Variants in SEMA3A observed in about 807,000 individuals in gnomAD.
SEMA3A encodes semaphorin-3A.
SEMA3A carries 29 observed loss-of-function variants against 97.9 expected under a neutral mutation model. The observed-to-expected ratio is 0.30, with a 90% confidence interval of 0.22 to 0.40. SEMA3A has a LOEUF of 0.40. SEMA3A is among the 10% of genes least tolerant of loss of function. The probability of loss-of-function intolerance (pLI) is 1.00; values close to 1 mark genes in which losing one functional copy is unlikely to be tolerated. For missense variants in SEMA3A, 763 were observed against 951.3 expected (o/e 0.80, Z 2.60); for synonymous variants, 321 against 323.7 (o/e 0.99, Z 0.09).
At chr7:84,010,249 T>C (rs565528207) in intron 9 of SEMA3A, among the ~76,000 whole-genome samples, 2 of 152,300 alleles carry the variant, frequency 1.3e-5, no homozygotes, top group South Asian at 4.1e-4. Context: ...GTTATATTAA[T>C]AACTTTTCAC....
chr7:84,038,261 G>A (rs557630303), intron 6 of SEMA3A, among the ~76,000 whole-genome samples: 1 of 151,998 alleles, frequency 6.6e-6, no homozygotes, highest in South Asian at 2.1e-4. Context: ...TTTTCCCTAC[G>A]CCACTTTGAT....
At chr7:84,229,216 A>AT (rs2116352278) in intron 3 of SEMA3A, among the ~76,000 whole-genome samples, 1 of 152,166 alleles carries the variant, frequency 6.6e-6, no homozygotes, top group South Asian at 2.1e-4. Flanking sequence ...GAGCAGTAGT[A>AT]TTTTCCCTTG....
chr7:84,229,288 A>G (rs1799062557), intron 3 of SEMA3A, among the ~76,000 whole-genome samples: 1 of 152,178 alleles, frequency 6.6e-6, no homozygotes, highest in Admixed American at 6.6e-5. Flanking sequence ...CATTTTTAAA[A>G]GTTTAATATA....
At chr7:84,461,799 G>A (rs1805846694) in intron 1 of SEMA3A, among the ~76,000 whole-genome samples, 2 of 152,084 alleles carry the variant, frequency 1.3e-5, no homozygotes, top group South Asian at 4.1e-4. Flanking sequence ...TCATGCTTAT[G>A]TACAACAAAT....
rs574913944 is a variant in SEMA3A, at chr7:84,042,390, TA to T, written c.667+3933del. ...GGCGTCACACTCCAGGCATTGTAAT[TA>T]GGTCTGTTTGTGTTCCCCAGGCCTT... On this transcript the variant is annotated intron_variant, in intron 6 of 16. Transcript: ENST00000265362. Among the ~76,000 whole-genome samples the T allele has an allele frequency of 4.5e-4, 68 of 152,094 alleles. No individual in the cohort carries two copies. In the South Asian group the frequency reaches 0.014, roughly 31 times the overall value.
chr7:84,413,235 A>G (rs758875041), intron 1 of SEMA3A, among the ~76,000 whole-genome samples: 3 of 152,112 alleles, frequency 2.0e-5, no homozygotes, highest in Non-Finnish European at 4.4e-5. Flanking sequence ...TAGCCTCTCT[A>G]AGTGAAGGTT....
chr7:84,402,773 A>T (rs1228866), intron 1 of SEMA3A, among the ~76,000 whole-genome samples: 48,533 of 152,114 alleles, frequency 0.32, 9,313 homozygotes, highest in African/African-American at 0.54. Context: ...GTAACATACA[A>T]CAAAGTAGAG....
At chr7:84,424,607 TATATA>T (rs1252186360) in intron 1 of SEMA3A, among the ~76,000 whole-genome samples, 7 of 47,604 alleles carry the variant, frequency 1.5e-4, no homozygotes, top group Non-Finnish European at 1.9e-4. Flanking sequence ...TAAATATTAA[TATATA>T]ATATAATATA....
chr7:84,171,169 C>T (rs1036647729), intron 1 of SEMA3A, among the ~76,000 whole-genome samples: 12 of 152,078 alleles, frequency 7.9e-5, no homozygotes, highest in Non-Finnish European at 1.6e-4. Flanking sequence ...ACAAAATTAA[C>T]ACATACTGCT....
At chr7:84,189,432 A>G (rs1484775422) in intron 1 of SEMA3A, among the ~76,000 whole-genome samples, 2 of 151,806 alleles carry the variant, frequency 1.3e-5, no homozygotes, top group Non-Finnish European at 3.0e-5. Context: ...ACATTATTCA[A>G]AATAATCCTG....
chr7:84,384,907 T>G (rs544146535), intron 1 of SEMA3A, among the ~76,000 whole-genome samples: 51 of 152,300 alleles, frequency 3.3e-4, no homozygotes, highest in African/African-American at 1.1e-3. Flanking sequence ...TCTTAACTAC[T>G]ATCTACATGA....
intron 2 of SEMA3A, among the ~76,000 whole-genome samples, chr7:84,349,842 T>C (rs1802392167): frequency 1.3e-5 from 2 of 152,190 alleles, no homozygotes; most frequent in Admixed American, 1.3e-4. Flanking sequence ...CTCTAGACTT[T>C]CTCATATATA....
intron 3 of SEMA3A, among the ~76,000 whole-genome samples, chr7:84,222,737 A>G (rs917951302): frequency 4.0e-5 from 6 of 151,876 alleles, no homozygotes; most frequent in African/African-American, 1.4e-4. Flanking sequence ...AAATATTGTC[A>G]GCCTTATTCA....
At chr7:84,184,673 T>G (rs545403627) in intron 1 of SEMA3A, among the ~76,000 whole-genome samples, 1 of 151,990 alleles carries the variant, frequency 6.6e-6, no homozygotes, top group Admixed American at 6.6e-5. Flanking sequence ...GGCAATTATA[T>G]TGGGGGAATC....
intron 1 of SEMA3A, among the ~76,000 whole-genome samples, chr7:84,402,961 G>A (rs1803949183): frequency 6.6e-6 from 1 of 151,966 alleles, no homozygotes; most frequent in Non-Finnish European, 1.5e-5. Context: ...ATACAGTTAG[G>A]AGTGTGAGCA....
chr7:84,195,917 TTC>T (rs1443414365), upstream of SEMA3A, among the ~76,000 whole-genome samples: 9 of 152,322 alleles, frequency 5.9e-5, no homozygotes, highest in African/African-American at 1.9e-4. Context: ...TAGGCATGTA[TTC>T]AGGCAGTCAT....
At chr7:84,150,652 G>T (rs796545406) in intron 1 of SEMA3A, among the ~76,000 whole-genome samples, 17,022 of 151,868 alleles carry the variant, frequency 0.11, 1,380 homozygotes, top group African/African-American at 0.22. Context: ...AGGCGGCAGT[G>T]AGGATGGGGG....
rs17159078 is a variant in SEMA3A at position 84,479,502 on chromosome 7, T to C, written c.-246+12958A>G. Among the ~76,000 whole-genome samples, 2,040 of 152,238 alleles carry C rather than the reference T, an allele frequency of 0.013. 96 individuals carry two copies. The East Asian group carries it at 0.16, about 12-fold the overall frequency. Reference sequence around the variant, plus strand: ...GACATCATGGCCCCTGTGTTAAAAATGCTTAGTATCTAGCAGAGAATAGAA... The same window carrying C: ...GACATCATGGCCCCTGTGTTAAAAACGCTTAGTATCTAGCAGAGAATAGAA... On this transcript the variant is annotated intron_variant, in intron 1 of 3. Coordinates refer to the SEMA3A transcript ENST00000424555.
At chr7:84,104,180 A>C (rs551504060) in intron 4 of SEMA3A, among the ~76,000 whole-genome samples, 2 of 152,148 alleles carry the variant, frequency 1.3e-5, no homozygotes, top group Non-Finnish European at 2.9e-5. Flanking sequence ...AAAATCAGAT[A>C]CTATAGTGCT....
Sources: gnomAD v4.1 joint callset for allele counts (sites outside exome capture counted in the v4.1 genomes callset) on GRCh38, gnomAD v4.1.1 for gene constraint, MANE v1.5 for transcripts, NCBI Gene and HGNC (gene_info 2026-07-23, HGNC 2026-07-21) for gene names.